ROR2: variants seen among roughly 807,000 people sequenced by gnomAD.
The protein encoded by ROR2 is ROR family WNT receptor 2.
In ROR2, 33 loss-of-function variants were observed where a neutral mutation model predicts 74.9. That is an observed-to-expected ratio of 0.44 (90% CI 0.33 to 0.59). ROR2 has a LOEUF of 0.59. Among genes scored for constraint, ROR2 ranks in the 20% least tolerant of loss-of-function variants. The pLI is 0.02. For synonymous variants in ROR2, 586 were observed against 558.7 expected (o/e 1.05, Z -0.69); for missense variants, 1,216 against 1,313.8 (o/e 0.93, Z 1.15).
intron 1 of ROR2, among the ~76,000 whole-genome samples, chr9:91,917,413 G>C (rs553364320): frequency 6.6e-6 from 1 of 152,308 alleles, no homozygotes; most frequent in South Asian, 2.1e-4. Flanking sequence ...TCACAAAAAA[G>C]GACCCAGACT....
chr9:91,767,607 C>A (rs1324266724), intron 2 of ROR2, among the ~76,000 whole-genome samples: 1 of 152,212 alleles, frequency 6.6e-6, no homozygotes, highest in Non-Finnish European at 1.5e-5. Context: ...GGACATAAAG[C>A]TGCTCCTCCC....
chr9:91,810,939 A>G (rs1483167448), intron 1 of ROR2, among the ~76,000 whole-genome samples: 2 of 152,246 alleles, frequency 1.3e-5, no homozygotes, highest in African/African-American at 4.8e-5. Context: ...AGGTACAAGG[A>G]CAAGTGGTAT....
intron 1 of ROR2, among the ~76,000 whole-genome samples, chr9:91,918,263 C>CAAA (rs533398274): frequency 6.7e-5 from 7 of 104,310 alleles, no homozygotes; most frequent in African/African-American, 2.0e-4. Flanking sequence ...AGACTCGTCT[C>CAAA]AAAAAAAAAA....
chr9:91,920,931 A>C (rs1179678828), intron 1 of ROR2, among the ~76,000 whole-genome samples: 8 of 152,250 alleles, frequency 5.3e-5, no homozygotes, highest in Admixed American at 3.3e-4. Flanking sequence ...TTATACACTA[A>C]AATATGAAAA....
chr9:91,845,104 C>T (rs1224905070), intron 1 of ROR2, among the ~76,000 whole-genome samples: 1 of 152,070 alleles, frequency 6.6e-6, no homozygotes, highest in Non-Finnish European at 1.5e-5. Context: ...CCACCCTACG[C>T]CCAAGGTGTA....
intron 1 of ROR2, among the ~76,000 whole-genome samples, chr9:91,855,545 C>G (rs1278549626): frequency 6.6e-6 from 1 of 152,206 alleles, no homozygotes; most frequent in African/African-American, 2.4e-5. Flanking sequence ...CCTCCACCCC[C>G]AGTTTCCTGC....
intron 1 of ROR2, among the ~76,000 whole-genome samples, chr9:91,881,675 G>A (rs1830116122): frequency 6.6e-6 from 1 of 151,980 alleles, no homozygotes; most frequent in Non-Finnish European, 1.5e-5. Flanking sequence ...TTATCATGAG[G>A]TGAAAAAATT....
At chr9:91,859,591 G>A (rs1038871687) in intron 1 of ROR2, among the ~76,000 whole-genome samples, 1 of 152,154 alleles carries the variant, frequency 6.6e-6, no homozygotes, top group Non-Finnish European at 1.5e-5. Context: ...GGGAGGCAGA[G>A]GCAGGCGGAT....
rs753563302 is a variant in ROR2, at chr9:91,836,539, C to CAAAAAAAAAAAAAAAAAAAAA, written c.98-60722_98-60721insTTTTTTTTTTTTTTTTTTTTT. On this transcript the variant is annotated intron_variant, in intron 1 of 8. Coordinates refer to ENST00000375708, the MANE Select transcript of ROR2 (RefSeq NM_004560.4). ...TGGAAGACAGAGTGAGATTCCATCTCAAAAAAAAAAAAAAACAGTCTGCAG... is the reference window on the plus strand; with the variant it reads ...TGGAAGACAGAGTGAGATTCCATCTCAAAAAAAAAAAAAAAAAAAAAAAAAAAAAAAAAAAACAGTCTGCAG... Among the ~76,000 whole-genome samples, 12 of 102,482 alleles carry CAAAAAAAAAAAAAAAAAAAAA rather than the reference C, an allele frequency of 1.2e-4. 1 individual carries two copies. Among genetic ancestry groups the CAAAAAAAAAAAAAAAAAAAAA allele is most frequent in the African/African-American group, 3.6e-4 (11 of 30,324 alleles). 67.2% of individuals were successfully genotyped at this position (102,482 alleles called of 152,430 possible).
intron 1 of ROR2, among the ~76,000 whole-genome samples, chr9:91,835,869 C>A (rs1828596572): frequency 6.6e-6 from 1 of 152,184 alleles, no homozygotes; most frequent in Admixed American, 6.5e-5. Flanking sequence ...GAGATGTCTC[C>A]TCCACATGTC....
chr9:91,766,980 A>G (rs908886127), intron 2 of ROR2, among the ~76,000 whole-genome samples: 3 of 152,226 alleles, frequency 2.0e-5, no homozygotes, highest in African/African-American at 4.8e-5. Flanking sequence ...ATCTCTGGAC[A>G]GGGAGCTGAG....
At chr9:91,945,949 A>G (rs1832002353) in intron 1 of ROR2, among the ~76,000 whole-genome samples, 2 of 152,210 alleles carry the variant, frequency 1.3e-5, no homozygotes, top group African/African-American at 2.4e-5. Flanking sequence ...TTGCAGCTAT[A>G]ATTAATGGGC....
intron 1 of ROR2, among the ~76,000 whole-genome samples, chr9:91,794,163 T>C (rs1029042627): frequency 1.3e-5 from 2 of 152,238 alleles, no homozygotes; most frequent in African/African-American, 2.4e-5. Context: ...AGACACACAA[T>C]TGTTAAATGA....
At chr9:91,853,060 C>T (rs1829161152) in intron 1 of ROR2, among the ~76,000 whole-genome samples, 1 of 152,232 alleles carries the variant, frequency 6.6e-6, no homozygotes, top group South Asian at 2.1e-4. Flanking sequence ...CGTGGAGGAC[C>T]AGCCCCAGAG....
At chr9:91,741,654 T>G (rs1825250646) in intron 4 of ROR2, among the ~76,000 whole-genome samples, 2 of 152,202 alleles carry the variant, frequency 1.3e-5, no homozygotes, top group South Asian at 2.1e-4. Context: ...TACAAAGTAG[T>G]AACCCATTCT....
intron 6 of ROR2, 131 bp downstream of exon 6, chr9:91,732,991 G>C (rs1312037294): frequency 2.2e-6 from 2 of 920,252 alleles, no homozygotes; most frequent in East Asian, 2.7e-5. Flanking sequence ...TGGGGCCCTC[G>C]GCTGCTAAGG....
At chr9:91,730,889 A>G in intron 7 of ROR2, 21 bp downstream of exon 7, 1 of 1,614,012 alleles carries the variant, frequency 6.2e-7, no homozygotes, top group Non-Finnish European at 8.5e-7. Flanking sequence ...CACATTAAAA[A>G]AAGAGAGAGA....
chr9:91,733,085 C>T lies in ROR2; in HGVS notation c.937+37G>A, dbSNP rs753931486. The T allele has an allele frequency of 7.1e-6, 11 of 1,540,580 alleles. No individual in the cohort carries two copies. The African/African-American group carries it at 8.2e-5, about 11-fold the overall frequency. On this transcript the variant is annotated intron_variant, in intron 6 of 8. Transcript: ENST00000375708. This position sits in a 1 kb window ranked among gnomAD's most constrained non-coding sequence, Gnocchi z 5.7. The stretch of plus-strand genomic sequence containing the variant: ...CATTTCAAGGGCCCTACACTCCCTG[C>T]GCCCCCCGGTCCCGCCCCGGGCCCT...
At chr9:91,771,272 G>A (rs984544223) in intron 2 of ROR2, among the ~76,000 whole-genome samples, 3 of 152,174 alleles carry the variant, frequency 2.0e-5, no homozygotes, top group African/African-American at 7.2e-5. Context: ...CCAGCAGACG[G>A]GCGAGCCCAC....
Sources: allele counts gnomAD v4.1 joint callset (sites outside exome capture counted in the v4.1 genomes callset), GRCh38; gene constraint gnomAD v4.1.1; non-coding constraint Gnocchi (gnomAD v3.1); transcripts MANE v1.5; gene names NCBI Gene and HGNC (gene_info 2026-07-23, HGNC 2026-07-21).